The following EMG1 variants were observed in gnomAD, a reference collection of about 807,000 sequenced individuals.
EMG1 encodes ribosomal RNA small subunit methyltransferase NEP1.
Under a neutral mutation model 26.9 loss-of-function variants are expected in EMG1, and 24 were observed. That is an observed-to-expected ratio of 0.89 (90% CI 0.65 to 1.26). The LOEUF is 1.26. Ranked by LOEUF, EMG1 falls within the 50% of genes most tolerant of loss-of-function variation. The pLI, the probability that EMG1 is intolerant of heterozygous loss-of-function variation, is 0.00. For synonymous variants in EMG1, 140 were observed against 112.6 expected (o/e 1.24, Z -1.54); for missense variants, 299 against 307.6 (o/e 0.97, Z 0.21).
chr12:6,979,211 G>GC lies in EMG1; in HGVS notation c.*3403dup, dbSNP rs1258306179. On this transcript the variant is annotated 3_prime_UTR_variant, in exon 6 of 6. Transcript: ENST00000599672. Reference sequence around the variant, plus strand: ...TGAGGGGTCACGTGGATGTGATAAGGCAAGCTAGGAGCGGCTCCTAGAGAA... The same window carrying GC: ...TGAGGGGTCACGTGGATGTGATAAGGCCAAGCTAGGAGCGGCTCCTAGAGAA... The GC allele has an allele frequency of 3.9e-6, 2 of 518,774 alleles. No individual in the cohort carries two copies. The highest frequency in any genetic ancestry group is 3.3e-5 in the East Asian group (1 of 30,168). 32.1% of individuals were successfully genotyped at this position (518,774 alleles called of 1,614,324 possible).
At chr12:6,996,424 A>C (rs782365667) in intron 7 of EMG1, among the ~76,000 whole-genome samples, 2 of 151,402 alleles carry the variant, frequency 1.3e-5, no homozygotes, top group Non-Finnish European at 2.9e-5. Context: ...TGCTTTTTCT[A>C]TTTTTCTTCT....
chr12:6,985,282 G>C (rs1946511572), intron 6 of EMG1, among the ~76,000 whole-genome samples: 1 of 151,914 alleles, frequency 6.6e-6, no homozygotes, highest in South Asian at 2.1e-4. Context: ...TATAGTCCCA[G>C]CTACTAGGGA....
downstream of EMG1, among the ~76,000 whole-genome samples, chr12:6,991,549 T>C (rs1946590596): frequency 1.3e-5 from 2 of 152,204 alleles, no homozygotes; most frequent in African/African-American, 2.4e-5. Flanking sequence ...TCTGTATATA[T>C]TGAAAAGTGG....
At chr12:6,983,830 C>A (rs1486306703), downstream of EMG1, among the ~76,000 whole-genome samples, 1 of 152,096 alleles carries the variant, frequency 6.6e-6, no homozygotes, top group Non-Finnish European at 1.5e-5. Flanking sequence ...GACATTTTCT[C>A]TTACTTGAAT....
At position 6,977,089 on chromosome 12, in the gene EMG1, A is replaced by C; in HGVS notation, c.*1280A>C. ...TTGTTTTTTTCCAGTCTGTTGCTCTATTCTGTAACCTGGTGGTAGTTTTAG... is the reference window on the plus strand; with the variant it reads ...TTGTTTTTTTCCAGTCTGTTGCTCTCTTCTGTAACCTGGTGGTAGTTTTAG... On this transcript the variant is annotated 3_prime_UTR_variant, in exon 6 of 6. Transcript: ENST00000599672. The surrounding 1 kb of genome is among the most constrained non-coding windows in gnomAD (Gnocchi z 4.5). The C allele has an allele frequency of 8.3e-7, 1 of 1,200,812 alleles. No homozygotes were observed. 74.4% of individuals were successfully genotyped at this position (1,200,812 alleles called of 1,614,324 possible).
rs373700579 is a variant in EMG1 at position 6,978,662 on chromosome 12, A to G, written c.*2853A>G. The G allele has an allele frequency of 8.1e-6, 13 of 1,614,108 alleles. No individual in the cohort carries two copies. The African/African-American group carries it at 1.7e-4, about 22-fold the overall frequency. On this transcript the variant is annotated 3_prime_UTR_variant, in exon 6 of 6. Coordinates refer to ENST00000599672, the MANE Select transcript of EMG1 (RefSeq NM_006331.8). Reference sequence around the variant, plus strand: ...ACAAACTTGCCCCAGATCAGCATGTACATGCAGCGGAACCAGAAGGGGTGG... The same window carrying G: ...ACAAACTTGCCCCAGATCAGCATGTGCATGCAGCGGAACCAGAAGGGGTGG...
downstream of EMG1, among the ~76,000 whole-genome samples, chr12:6,984,554 G>T (rs1041706307): frequency 5.3e-5 from 8 of 152,142 alleles, no homozygotes; most frequent in Admixed American, 2.6e-4. Flanking sequence ...TCTTGAGTTG[G>T]TCATGGTTTA....
Position 6,977,102 on chromosome 12 carries a change from G to C in EMG1, c.*1293G>C. On this transcript the variant is annotated 3_prime_UTR_variant, in exon 6 of 6. Transcript: ENST00000599672. The surrounding 1 kb of genome is among the most constrained non-coding windows in gnomAD (Gnocchi z 4.5). Reference sequence around the variant, plus strand: ...GTCTGTTGCTCTATTCTGTAACCTGGTGGTAGTTTTAGTTTAGCTGTATTA... The same window carrying C: ...GTCTGTTGCTCTATTCTGTAACCTGCTGGTAGTTTTAGTTTAGCTGTATTA... 7.9e-7 allele frequency: 1 copy of C among 1,273,004 alleles called. No individual in the cohort carries two copies. Among genetic ancestry groups the C allele is most frequent in the Non-Finnish European group, 1.1e-6 (1 of 870,698 alleles). The allele number at this position is 1,273,004 out of a possible 1,614,324, so 78.9% of individuals were successfully genotyped here.
At chr12:6,993,659 G>A (rs1472407478) in intron 7 of EMG1, among the ~76,000 whole-genome samples, 3 of 152,024 alleles carry the variant, frequency 2.0e-5, no homozygotes, top group African/African-American at 7.2e-5. Context: ...TTTGTGTCTG[G>A]CTTATTTCAC....
chr12:6,994,317 C>T (rs1946616794), intron 7 of EMG1, among the ~76,000 whole-genome samples: 1 of 152,118 alleles, frequency 6.6e-6, no homozygotes, highest in Non-Finnish European at 1.5e-5. Context: ...AAGTGATTCT[C>T]CTGTCTCAGC....
downstream of EMG1, chr12:6,981,516 G>C (rs781996368): frequency 6.4e-6 from 9 of 1,400,696 alleles, no homozygotes; most frequent in Admixed American, 3.4e-5. Context: ...TCTGGAATTT[G>C]GGTTCAGTCT....
intron 7 of EMG1, among the ~76,000 whole-genome samples, chr12:6,993,569 A>G (rs1218333896): frequency 3.3e-5 from 5 of 152,304 alleles, no homozygotes; most frequent in Middle Eastern, 3.4e-3. Context: ...GAGCCTGGCA[A>G]CCATTCATCT....
chr12:6,977,594 C>T lies in EMG1; in HGVS notation c.*1785C>T, dbSNP rs372817408. 61 of 1,614,096 alleles carry T rather than the reference C, an allele frequency of 3.8e-5. No homozygotes were observed. Among genetic ancestry groups the T allele is most frequent in the Middle Eastern group, 1.6e-4 (1 of 6,084 alleles). On this transcript the variant is annotated 3_prime_UTR_variant, in exon 6 of 6. Coordinates refer to ENST00000599672, the MANE Select transcript of EMG1 (RefSeq NM_006331.8). The surrounding 1 kb of genome is among the most constrained non-coding windows in gnomAD (Gnocchi z 4.5). Reference sequence around the variant, plus strand: ...TCCCCTTCACCCCCACCCTGGAGGCCTACCTGTCTTTCCACAATAACAATG... The same window carrying T: ...TCCCCTTCACCCCCACCCTGGAGGCTTACCTGTCTTTCCACAATAACAATG...
At chr12:6,992,393 T>C (rs778663562), downstream of EMG1, among the ~76,000 whole-genome samples, 3 of 152,072 alleles carry the variant, frequency 2.0e-5, no homozygotes, top group Non-Finnish European at 2.9e-5. Flanking sequence ...TCTGTTTTGA[T>C]TGTGAGTGCA....
chr12:6,989,451 C>T (rs1946566206), downstream of EMG1, among the ~76,000 whole-genome samples: 1 of 151,782 alleles, frequency 6.6e-6, no homozygotes, highest in Non-Finnish European at 1.5e-5. Flanking sequence ...GCTGGGACTA[C>T]AGGCGCCCGC....
downstream of EMG1, among the ~76,000 whole-genome samples, chr12:6,991,916 A>G (rs1946593278): frequency 1.3e-5 from 2 of 152,054 alleles, no homozygotes; most frequent in Non-Finnish European, 2.9e-5. Context: ...TGTACTCAGG[A>G]TCAGGCATGG....
At chr12:6,972,554 G>T (rs1644696454) in intron 1 of EMG1, among the ~76,000 whole-genome samples, 1 of 152,080 alleles carries the variant, frequency 6.6e-6, no homozygotes, top group Non-Finnish European at 1.5e-5. Context: ...AATGCTCCTT[G>T]GGACTCCAAA....
chr12:6,973,715 T>TA (rs2138319587), intron 1 of EMG1, among the ~76,000 whole-genome samples: 1 of 152,204 alleles, frequency 6.6e-6, no homozygotes, highest in South Asian at 2.1e-4. Flanking sequence ...GCTAATTTTT[T>TA]ATATTTTTAG....
intron 1 of EMG1, 108 bp downstream of exon 1, chr12:6,971,199 T>C (rs976690348): frequency 2.2e-6 from 2 of 897,456 alleles, no homozygotes; most frequent in Non-Finnish European, 1.7e-6. Context: ...GGGTGAAAGA[T>C]GCTTTTGAAG....
Sources: gnomAD v4.1 joint callset for allele counts (sites outside exome capture counted in the v4.1 genomes callset) on GRCh38, gnomAD v4.1.1 for gene constraint, Gnocchi (gnomAD v3.1) non-coding constraint, MANE v1.5 for transcripts, NCBI Gene and HGNC (gene_info 2026-07-23, HGNC 2026-07-21) for gene names.